PSMG2: variants seen among roughly 807,000 people sequenced by gnomAD.
PSMG2 encodes proteasome assembly chaperone 2.
In PSMG2, 21 loss-of-function variants were observed where a neutral mutation model predicts 31.5. The observed-to-expected ratio is 0.67, with a 90% CI of 0.47 to 0.96. The LOEUF (loss-of-function observed/expected upper bound fraction) is 0.96. Among genes scored for constraint, PSMG2 ranks in the 40% least tolerant of loss-of-function variants. The pLI is 0.00. For missense variants in PSMG2, 318 were observed against 321.2 expected, an observed-to-expected ratio of 0.99 and a Z score of 0.08; for synonymous variants, 120 against 110.4, an observed-to-expected ratio of 1.09 and a Z score of -0.54.
upstream of PSMG2, chr18:12,702,709 G>T: frequency 1.3e-6 from 1 of 743,922 alleles, no homozygotes; most frequent in Non-Finnish European, 2.1e-6. Context: ...TCAGGCCGGG[G>T]GCTGACCTGG....
At chr18:12,668,597 CAAAA>C (rs752216074) in intron 1 of PSMG2, among the ~76,000 whole-genome samples, 26 of 72,818 alleles carry the variant, frequency 3.6e-4, no homozygotes, top group South Asian at 1.5e-3. Flanking sequence ...GATTCCATCT[CAAAA>C]AAAAAAAAAA....
intron 1 of PSMG2, among the ~76,000 whole-genome samples, chr18:12,668,094 G>A (rs1263022997): frequency 6.6e-6 from 1 of 151,824 alleles, no homozygotes; most frequent in African/African-American, 2.4e-5. Flanking sequence ...GTGAGACCCT[G>A]TCCCTACGAA....
chr18:12,710,827 C>T (rs535151147), intron 2 of PSMG2, among the ~76,000 whole-genome samples: 1 of 152,262 alleles, frequency 6.6e-6, no homozygotes, highest in East Asian at 1.9e-4. Flanking sequence ...AGGCCGGGCA[C>T]GGTGGCCCAT....
chr18:12,718,759 G>T (rs899558376), intron 4 of PSMG2, 124 bp downstream of exon 4: 2 of 615,878 alleles, frequency 3.2e-6, no homozygotes, highest in Admixed American at 6.1e-5. Flanking sequence ...TTTAGAAAGA[G>T]GGGGGTAAGA....
chr18:12,659,252 T>G (rs1236541911), intron 1 of PSMG2, among the ~76,000 whole-genome samples: 1 of 137,028 alleles, frequency 7.3e-6, no homozygotes, highest in Non-Finnish European at 1.7e-5. Flanking sequence ...AATTGCATCT[T>G]GCGGTAGAAA....
At chr18:12,678,331 T>G (rs1359518505) in intron 1 of PSMG2, 8 of 1,614,170 alleles carry the variant, frequency 5.0e-6, no homozygotes, top group Non-Finnish European at 6.8e-6. Context: ...GTTGACAATT[T>G]CCCAGGAACA....
Position 12,706,535 on chromosome 18 carries a change from CTT to C in PSMG2, c.58-12_58-11del, listed in dbSNP as rs755069953. 1.2e-5 allele frequency: 19 copies of C among 1,612,230 alleles called. No homozygotes were observed. The highest frequency in any genetic ancestry group is 1.6e-5 in the Non-Finnish European group (19 of 1,179,526). On this transcript the variant is annotated splice_polypyrimidine_tract_variant and intron_variant, in intron 1 of 6. Transcript: ENST00000317615. ...AATTTTGGTGACTTACTGAACATAT[CTT>C]TTATAATTTCAGCCAGCAGTATCTG...
chr18:12,705,576 A>AGTGTGTGTGTGTGTGT (rs548642491), intron 1 of PSMG2, among the ~76,000 whole-genome samples: 8 of 129,674 alleles, frequency 6.2e-5, no homozygotes, highest in South Asian at 2.7e-4. Flanking sequence ...AGAGAGAGAG[A>AGTGTGTGTGTGTGTGT]GTGTGTGTGT....
At chr18:12,702,477 G>A, upstream of PSMG2, 1 of 1,601,292 alleles carries the variant, frequency 6.2e-7, no homozygotes, top group South Asian at 1.1e-5. Flanking sequence ...CAGCACCCGC[G>A]ACTCTCACCT....
At chr18:12,689,377 T>C (rs991780342) in intron 1 of PSMG2, among the ~76,000 whole-genome samples, 1 of 152,160 alleles carries the variant, frequency 6.6e-6, no homozygotes, top group Admixed American at 6.6e-5. Flanking sequence ...AAGGCACCAG[T>C]TGAAACTCCA....
intron 2 of PSMG2, among the ~76,000 whole-genome samples, chr18:12,710,089 C>T (rs2040314385): frequency 6.6e-6 from 1 of 151,974 alleles, no homozygotes; most frequent in Admixed American, 6.6e-5. Context: ...ACTACAGACA[C>T]CCGCCATCAC....
intron 6 of PSMG2, 118 bp downstream of exon 6, chr18:12,724,737 T>C: frequency 9.1e-7 from 1 of 1,095,290 alleles, no homozygotes; most frequent in South Asian, 3.5e-5. Context: ...TAGACATATC[T>C]TTACATAAAA....
intron 1 of PSMG2, among the ~76,000 whole-genome samples, chr18:12,694,910 T>A (rs887437778): frequency 7.4e-5 from 11 of 148,430 alleles, no homozygotes; most frequent in Middle Eastern, 7.1e-3. Context: ...AGAGGCGGGG[T>A]TTCACCGTGT....
upstream of PSMG2, chr18:12,703,035 G>C (rs940006499): frequency 3.9e-6 from 6 of 1,545,068 alleles, no homozygotes; most frequent in Non-Finnish European, 4.4e-6. Context: ...CGGGGTCTCG[G>C]GCTTCCGCCT....
intron 2 of PSMG2, among the ~76,000 whole-genome samples, chr18:12,710,306 GC>G (rs1318354002): frequency 6.6e-6 from 1 of 152,136 alleles, no homozygotes; most frequent in Non-Finnish European, 1.5e-5. Flanking sequence ...TGATGTTCTT[GC>G]TTCAGTTTAA....
chr18:12,694,356 G>A (rs2039874523), intron 1 of PSMG2, among the ~76,000 whole-genome samples: 1 of 152,148 alleles, frequency 6.6e-6, no homozygotes, highest in Non-Finnish European at 1.5e-5. Context: ...TAATCAAGGA[G>A]AACCATTCCA....
chr18:12,688,228 CAAA>C (rs11337170), intron 1 of PSMG2, among the ~76,000 whole-genome samples: 3 of 94,024 alleles, frequency 3.2e-5, no homozygotes, highest in African/African-American at 4.1e-5. Context: ...GACTCCATCT[CAAA>C]AAAAAAAAAA....
At chr18:12,697,460 C>A in intron 1 of PSMG2, 1 of 1,192,208 alleles carries the variant, frequency 8.4e-7, no homozygotes, top group Non-Finnish European at 1.2e-6. Flanking sequence ...TCAGTTAGGC[C>A]AACATAAAAG....
At chr18:12,700,733 A>T (rs2040122271), upstream of PSMG2, among the ~76,000 whole-genome samples, 1 of 152,212 alleles carries the variant, frequency 6.6e-6, no homozygotes, top group African/African-American at 2.4e-5. Context: ...CTGTCACTGT[A>T]GAGACAGGAA....
Sources: gnomAD v4.1 joint callset for allele counts (sites outside exome capture counted in the v4.1 genomes callset) on GRCh38, gnomAD v4.1.1 for gene constraint, MANE v1.5 for transcripts, NCBI Gene and HGNC (gene_info 2026-07-23, HGNC 2026-07-21) for gene names.